The following TAFA2 variants were observed in gnomAD, a reference collection of about 807,000 sequenced individuals.
TAFA2 encodes TAFA chemokine like family member 2.
In TAFA2, 7 loss-of-function variants were observed where a neutral mutation model predicts 18.8. That is an observed-to-expected ratio of 0.37 (90% CI 0.21 to 0.70). TAFA2 has a LOEUF of 0.70. Among genes scored for constraint, TAFA2 ranks in the 30% least tolerant of loss-of-function variants. TAFA2 has a pLI of 0.53. For missense variants in TAFA2, 122 were observed against 158.1 expected (o/e 0.77, Z 1.23); for synonymous variants, 60 against 54.2 (o/e 1.11, Z -0.47).
At chr12:62,002,462 G>C (rs1053836728) in intron 1 of TAFA2, among the ~76,000 whole-genome samples, 2 of 151,984 alleles carry the variant, frequency 1.3e-5, no homozygotes, top group African/African-American at 2.4e-5. Flanking sequence ...TGCACTCTTT[G>C]CTTCTCAAGA....
At chr12:61,842,326 A>G (rs1477307147) in intron 2 of TAFA2, among the ~76,000 whole-genome samples, 2 of 152,058 alleles carry the variant, frequency 1.3e-5, no homozygotes, top group Admixed American at 1.3e-4. Flanking sequence ...AAGTGCAACT[A>G]AGCGCCCTTG....
intron 2 of TAFA2, among the ~76,000 whole-genome samples, chr12:61,792,812 T>C (rs966424509): frequency 2.0e-5 from 3 of 151,476 alleles, no homozygotes; most frequent in Non-Finnish European, 4.4e-5. Flanking sequence ...ATAAAATCAC[T>C]ATTATATTCA....
At chr12:62,003,309 C>G (rs2136703324) in intron 1 of TAFA2, among the ~76,000 whole-genome samples, 1 of 152,216 alleles carries the variant, frequency 6.6e-6, no homozygotes, top group African/African-American at 2.4e-5. Flanking sequence ...GAACCGCACC[C>G]CCTTATGTCT....
chr12:61,786,596 G>T (rs184588279), intron 2 of TAFA2, among the ~76,000 whole-genome samples: 382 of 151,540 alleles, frequency 2.5e-3, no homozygotes, highest in African/African-American at 8.9e-3. Context: ...TGCTAGGAAA[G>T]ATAAATTGAA....
chr12:61,889,753 G>A (rs17125487), intron 1 of TAFA2, among the ~76,000 whole-genome samples: 1,655 of 152,206 alleles, frequency 0.011, 32 homozygotes, highest in African/African-American at 0.038. Context: ...TGTTTTTGCC[G>A]AATACTACTG....
chr12:61,926,307 C>A (rs902057302), intron 1 of TAFA2, among the ~76,000 whole-genome samples: 1 of 152,122 alleles, frequency 6.6e-6, no homozygotes, highest in Non-Finnish European at 1.5e-5. Flanking sequence ...CTATTCCAAA[C>A]AATAGAAAAA....
intron 1 of TAFA2, among the ~76,000 whole-genome samples, chr12:62,003,775 C>T (rs1406465108): frequency 6.6e-6 from 1 of 152,148 alleles, no homozygotes; most frequent in Non-Finnish European, 1.5e-5. Context: ...TGAGCAATGG[C>T]TAGTATATAG....
chr12:61,913,233 G>A (rs1453469229), intron 1 of TAFA2, among the ~76,000 whole-genome samples: 3 of 152,050 alleles, frequency 2.0e-5, no homozygotes, highest in Non-Finnish European at 4.4e-5. Context: ...AGAATACAGA[G>A]GGAAAGAAGG....
chr12:61,863,698 T>C (rs1308834163), intron 2 of TAFA2, among the ~76,000 whole-genome samples: 1 of 152,210 alleles, frequency 6.6e-6, no homozygotes, highest in East Asian at 1.9e-4. Context: ...ACGTAGCTGC[T>C]GATACACTAC....
chr12:61,780,143 G>T (rs556537405), intron 2 of TAFA2, among the ~76,000 whole-genome samples: 1 of 136,996 alleles, frequency 7.3e-6, no homozygotes, highest in Non-Finnish European at 1.7e-5. Context: ...GGAAGAGAGG[G>T]CAGGAAGCAG....
chr12:61,899,041 A>G (rs1875980885), intron 1 of TAFA2, among the ~76,000 whole-genome samples: 1 of 152,208 alleles, frequency 6.6e-6, no homozygotes, highest in African/African-American at 2.4e-5. Flanking sequence ...AAAGCATAGC[A>G]AGAGTCACCT....
intron 1 of TAFA2, among the ~76,000 whole-genome samples, chr12:62,114,810 T>C (rs756342575): frequency 1.3e-5 from 2 of 152,192 alleles, no homozygotes; most frequent in Non-Finnish European, 2.9e-5. Context: ...ACCAGGCACA[T>C]TTATACAAAG....
chr12:62,037,245 C>T (rs182280606), intron 1 of TAFA2, among the ~76,000 whole-genome samples: 5 of 152,310 alleles, frequency 3.3e-5, no homozygotes, highest in African/African-American at 9.6e-5. Context: ...TCCATCTGTG[C>T]TCGAAAACTA....
intron 4 of TAFA2, among the ~76,000 whole-genome samples, chr12:61,749,198 A>C (rs1447883161): frequency 6.6e-6 from 1 of 152,022 alleles, no homozygotes; most frequent in Admixed American, 6.6e-5. Flanking sequence ...GCTTGAACTC[A>C]AGAGGTGGAG....
chr12:61,713,711 C>G (rs567411437), intron 4 of TAFA2, among the ~76,000 whole-genome samples: 11 of 152,138 alleles, frequency 7.2e-5, no homozygotes, highest in Non-Finnish European at 1.5e-4. Flanking sequence ...GAAATTATTA[C>G]CTAAAATTAA....
intron 2 of TAFA2, among the ~76,000 whole-genome samples, chr12:61,867,036 A>G: frequency 6.6e-6 from 1 of 152,020 alleles, no homozygotes; most frequent in Middle Eastern, 3.2e-3. Flanking sequence ...TGCTTCACTC[A>G]TTAACTCATC....
chr12:61,882,497 G>GA (rs1361590787), intron 1 of TAFA2, among the ~76,000 whole-genome samples: 1 of 152,224 alleles, frequency 6.6e-6, no homozygotes. Flanking sequence ...CATAAGCTGA[G>GA]AAATGGAGGT....
At chr12:62,196,991 G>A (rs1260942569), upstream of TAFA2, among the ~76,000 whole-genome samples, 1 of 152,210 alleles carries the variant, frequency 6.6e-6, no homozygotes, top group Non-Finnish European at 1.5e-5. Flanking sequence ...GTGAGCTGTG[G>A]GCAAATGAGC....
In TAFA2 at chr12:62,183,028, G is replaced by C. The variant is rs74234912; in HGVS notation, c.-2+8231C>G. Among the ~76,000 whole-genome samples, 1,524 of 152,286 alleles carry C rather than the reference G, an allele frequency of 0.01. 43 individuals carry two copies. The East Asian group carries it at 0.11, about 11-fold the overall frequency. ...CTAAGATAGCCCAAACACCTAGAGA[G>C]TGCTTTCTATGGACTGAATGTTTGT... On this transcript the variant is annotated intron_variant, in intron 1 of 4. Coordinates refer to ENST00000416284, the MANE Select transcript of TAFA2 (RefSeq NM_178539.5).
Sources: gnomAD v4.1 joint callset for allele counts (sites outside exome capture counted in the v4.1 genomes callset) on GRCh38, gnomAD v4.1.1 for gene constraint, MANE v1.5 for transcripts, NCBI Gene and HGNC (gene_info 2026-07-23, HGNC 2026-07-21) for gene names.